Variants in SGSM2 observed in about 807,000 individuals in gnomAD.
The protein encoded by SGSM2 is small G protein signaling modulator 2.
A neutral mutation model predicts 126.6 loss-of-function variants in SGSM2; 89 were observed. That is an observed-to-expected ratio of 0.70 (90% confidence interval 0.59 to 0.84). The LOEUF (loss-of-function observed/expected upper bound fraction) is 0.84. Ranked by LOEUF, SGSM2 falls within the 40% of genes least tolerant of loss-of-function variation. The probability of loss-of-function intolerance (pLI) is 0.00; values close to 1 mark genes in which losing one functional copy is unlikely to be tolerated. For missense variants in SGSM2, 1,404 were observed against 1,416.6 expected, an observed-to-expected ratio of 0.99 and a Z score of 0.14; for synonymous variants, 614 against 574.3, an observed-to-expected ratio of 1.07 and a Z score of -0.99.
rs1279491175 is a variant in SGSM2, at chr17:2,379,220, C to G, written c.3067+17C>G. 6.2e-7 allele frequency: 1 copy of G among 1,613,738 alleles called. No individual in the cohort carries two copies. The highest frequency in any genetic ancestry group is 1.1e-5 in the South Asian group (1 of 91,060). On this transcript the variant is annotated intron_variant, in intron 23 of 23. Coordinates refer to ENST00000268989, the MANE Select transcript of SGSM2 (RefSeq NM_014853.3). ...TTTTCAATGGTACGAGCTGGTCCAGCCATCCAGGCTGCCCTGAGCAGAGGT... is the reference window on the plus strand; with the variant it reads ...TTTTCAATGGTACGAGCTGGTCCAGGCATCCAGGCTGCCCTGAGCAGAGGT...
chr17:2,341,211 G>A (rs943678742), intron 1 of SGSM2, among the ~76,000 whole-genome samples: 2 of 149,678 alleles, frequency 1.3e-5, no homozygotes, highest in African/African-American at 2.6e-5. Context: ...CTCTGCCTCC[G>A]GGTTCAAGTG....
Position 2,367,510 on chromosome 17 carries a change from A to C in SGSM2, c.1423+105A>C. 1 of 1,310,692 alleles carries C rather than the reference A, an allele frequency of 7.6e-7. No individual in the cohort carries two copies. Among genetic ancestry groups the C allele is most frequent in the Non-Finnish European group, 1.1e-6 (1 of 950,840 alleles). The allele number at this position is 1,310,692 out of a possible 1,614,324, so 81.2% of individuals were successfully genotyped here. A position where few individuals can be genotyped will look rare whatever the true frequency, so the allele number is the denominator to read the frequency against. Reference sequence around the variant, plus strand: ...CGAACGGCAGTGTTGGCATTAGGGGACTTGCACCCAGGGCAGTTCCCTTCC... The same window carrying C: ...CGAACGGCAGTGTTGGCATTAGGGGCCTTGCACCCAGGGCAGTTCCCTTCC... On this transcript the variant is annotated intron_variant, in intron 12 of 23. Coordinates refer to ENST00000268989, the MANE Select transcript of SGSM2 (RefSeq NM_014853.3). The surrounding 1 kb of genome is among the most constrained non-coding windows in gnomAD (Gnocchi z 4.0).
intron 2 of SGSM2, among the ~76,000 whole-genome samples, chr17:2,349,941 C>T (rs1454350296): frequency 6.6e-6 from 1 of 152,068 alleles, no homozygotes; most frequent in South Asian, 2.1e-4. Context: ...GCGCCCACCA[C>T]CACGCTCGGC....
intron 8 of SGSM2, 105 bp from the exon 9 acceptor site, chr17:2,364,491 C>A: frequency 7.9e-7 from 1 of 1,268,048 alleles, no homozygotes; most frequent in Non-Finnish European, 1.1e-6. Context: ...CTATGGTCAT[C>A]CTATCTTCAG....
intron 21 of SGSM2, chr17:2,377,641 CAG>C (rs2066237916): frequency 4.4e-6 from 2 of 459,458 alleles, no homozygotes; most frequent in Non-Finnish European, 7.9e-6. Flanking sequence ...TAATGCAGCT[CAG>C]AGAGATGGGT....
rs377582128 is a variant in SGSM2, at chr17:2,377,895, T to G, written c.2841T>G (p.Asn947Lys). Residue 947 changes from asparagine to lysine, a missense_variant, in exon 22 of 24, where the codon AAT becomes AAG. By Grantham distance (94) the Asn-to-Lys change is moderately conservative (BLOSUM62 0). Coordinates refer to ENST00000268989, the MANE Select transcript of SGSM2 (RefSeq NM_014853.3). ...AGCTGTTTGAGCTGATGCATCAGAA[T>G]GGAGACTACACCCACTTCTACTTCT... ...DSELFELMHQ[N>K]GDYTHFYFCY... The G allele has an allele frequency of 1.6e-4, 261 of 1,613,118 alleles. No homozygotes were observed. Among genetic ancestry groups the G allele is most frequent in the Non-Finnish European group, 2.1e-4 (244 of 1,179,322 alleles).
chr17:2,373,265 C>T, intron 16 of SGSM2, 66 bp from the exon 17 acceptor site: 1 of 1,570,852 alleles, frequency 6.4e-7, no homozygotes, highest in Non-Finnish European at 8.7e-7. Flanking sequence ...CCAGTGCAGG[C>T]CCAGCTCCTG....
At chr17:2,344,813 G>A in intron 2 of SGSM2, among the ~76,000 whole-genome samples, 1 of 152,216 alleles carries the variant, frequency 6.6e-6, no homozygotes, top group East Asian at 1.9e-4. Flanking sequence ...TCTTGGACAA[G>A]TTTCTTAACT....
chr17:2,359,445 T>C (rs1332814642), intron 2 of SGSM2, among the ~76,000 whole-genome samples: 1 of 152,056 alleles, frequency 6.6e-6, no homozygotes, highest in East Asian at 1.9e-4. Context: ...GGAAAGTCGA[T>C]GCATGAGAGG....
In SGSM2 at chr17:2,379,320, G is replaced by A. The variant is rs778504820; in HGVS notation, c.3068-112G>A. 1.0e-5 allele frequency: 16 copies of A among 1,564,130 alleles called. No individual in the cohort carries two copies. In the African/African-American group the frequency reaches 1.5e-4, roughly 15 times the overall value. On this transcript the variant is annotated intron_variant, in intron 23 of 23. Coordinates refer to ENST00000268989, the MANE Select transcript of SGSM2 (RefSeq NM_014853.3). Reference sequence around the variant, plus strand: ...TCCTGGGGGCCCTTCCCCAAAGGCCGGGATGTCAAGAATCTAGCAGAGCAG... The same window carrying A: ...TCCTGGGGGCCCTTCCCCAAAGGCCAGGATGTCAAGAATCTAGCAGAGCAG...
Position 2,363,694 on chromosome 17 carries a change from G to T in SGSM2, c.807+95G>T. The T allele has an allele frequency of 6.6e-7, 1 of 1,510,906 alleles. No homozygotes were observed. The highest frequency in any genetic ancestry group is 1.3e-5 in the South Asian group (1 of 79,108). The allele number at this position is 1,510,906 out of a possible 1,614,324, so 93.6% of individuals were successfully genotyped here. A position where few individuals can be genotyped will look rare whatever the true frequency, so the allele number is the denominator to read the frequency against. ...TGGCTATTCCTTTCCTGAGGAGCTT[G>T]ACCAGAGACGGGGGGGAGAATGGCC... On this transcript the variant is annotated intron_variant, in intron 7 of 23. Transcript: ENST00000268989. This position sits in a 1 kb window ranked among gnomAD's most constrained non-coding sequence, Gnocchi z 4.2.
chr17:2,380,323 T>C lies in SGSM2; in HGVS notation c.*803T>C, dbSNP rs906879663. 21 of 1,535,164 alleles carry C rather than the reference T, an allele frequency of 1.4e-5. No individual in the cohort carries two copies. The highest frequency in any genetic ancestry group is 1.8e-5 in the Non-Finnish European group (21 of 1,146,378). ...GCTTTTGCCAGTGGATGATCTGGAATGCGACCGGAGCACTTGCTCTGAGGA... is the reference window on the plus strand; with the variant it reads ...GCTTTTGCCAGTGGATGATCTGGAACGCGACCGGAGCACTTGCTCTGAGGA... On this transcript the variant is annotated 3_prime_UTR_variant, in exon 24 of 24. Transcript: ENST00000268989.
At position 2,362,986 on chromosome 17, in the gene SGSM2, C is replaced by CA. The variant is rs2065386527; in HGVS notation, c.527-2dup. ...TCTGGGCTGGCTGTCTCTGTCTCCA[C>CA]AGTGGGACCCTGTGCCTTGGAATAC... On this transcript the variant is annotated splice_region_variant and splice_polypyrimidine_tract_variant and intron_variant, in intron 5 of 23. Coordinates refer to ENST00000268989, the MANE Select transcript of SGSM2 (RefSeq NM_014853.3). This position sits in a 1 kb window ranked among gnomAD's most constrained non-coding sequence, Gnocchi z 4.9. 6.2e-7 allele frequency: 1 copy of CA among 1,614,076 alleles called. No homozygotes were observed. Among genetic ancestry groups the CA allele is most frequent in the Admixed American group, 1.7e-5 (1 of 60,024 alleles).
intron 23 of SGSM2, 38 bp from the exon 24 acceptor site, chr17:2,379,394 C>G (rs377218028): frequency 1.3e-6 from 2 of 1,590,042 alleles, no homozygotes; most frequent in South Asian, 1.1e-5. Context: ...GCTGCCCTTT[C>G]TCTGGGCCTC....
intron 2 of SGSM2, among the ~76,000 whole-genome samples, chr17:2,353,492 T>C (rs972847529): frequency 2.6e-5 from 4 of 152,152 alleles, no homozygotes; most frequent in Admixed American, 2.0e-4. Context: ...GCCGGGCACA[T>C]TGGCTCACAC....
At chr17:2,357,657 C>G (rs2065137260) in intron 2 of SGSM2, among the ~76,000 whole-genome samples, 1 of 152,078 alleles carries the variant, frequency 6.6e-6, no homozygotes, top group Non-Finnish European at 1.5e-5. Context: ...ACCACGACAC[C>G]CGGCTAATTT....
rs144584175 is a variant in SGSM2 at position 2,360,171 on chromosome 17, C to T, written c.134-1466C>T. On this transcript the variant is annotated intron_variant, in intron 2 of 23. Coordinates refer to ENST00000268989, the MANE Select transcript of SGSM2 (RefSeq NM_014853.3). ...CAGCCTGGCCAACGTGGCGAAACCC[C>T]GTCTCTACTAAAATACAAAAATTAG... is the stretch of plus-strand genomic sequence containing the variant. 1.2e-3 allele frequency among the ~76,000 whole-genome samples: 182 copies of T among 152,168 alleles called. 3 individuals carry two copies. In the East Asian group the frequency reaches 0.033, roughly 28 times the overall value.
At chr17:2,368,416 C>G (rs2065695189) in intron 12 of SGSM2, among the ~76,000 whole-genome samples, 1 of 152,176 alleles carries the variant, frequency 6.6e-6, no homozygotes, top group African/African-American at 2.4e-5. Context: ...CCCACCCATT[C>G]CCATGCTACA....
intron 2 of SGSM2, among the ~76,000 whole-genome samples, chr17:2,346,333 T>G (rs2064597475): frequency 6.6e-6 from 1 of 152,032 alleles, no homozygotes; most frequent in African/African-American, 2.4e-5. Flanking sequence ...AGAGGAGGGT[T>G]GGGGGTGACT....
Sources: allele counts gnomAD v4.1 joint callset (sites outside exome capture counted in the v4.1 genomes callset), GRCh38; gene constraint gnomAD v4.1.1; non-coding constraint Gnocchi (gnomAD v3.1); transcripts MANE v1.5; gene names NCBI Gene and HGNC (gene_info 2026-07-23, HGNC 2026-07-21).